The following RBFOX2 variants were observed in gnomAD, a reference collection of about 807,000 sequenced individuals.
RBFOX2 encodes the protein RNA binding protein fox-1 homolog 2.
A neutral mutation model predicts 49.1 loss-of-function variants in RBFOX2; 10 were observed. The ratio of observed to expected loss-of-function variants is 0.20; its 90% CI spans 0.13 to 0.35. RBFOX2 has a LOEUF of 0.35. Among genes scored for constraint, RBFOX2 ranks in the 10% least tolerant of loss-of-function variants. RBFOX2 has a pLI of 1.00. For missense variants in RBFOX2, 323 were observed against 486.9 expected (o/e 0.66, Z 3.17); for synonymous variants, 183 against 187.4 (o/e 0.98, Z 0.19).
At chr22:35,875,750 C>T (rs757127208) in intron 1 of RBFOX2, among the ~76,000 whole-genome samples, 4 of 151,826 alleles carry the variant, frequency 2.6e-5, no homozygotes, top group Non-Finnish European at 5.9e-5. Flanking sequence ...CTTTTCCAAC[C>T]TGCCTATTCT....
intron 3 of RBFOX2, among the ~76,000 whole-genome samples, chr22:35,779,191 A>G (rs1311286818): frequency 6.6e-6 from 1 of 152,238 alleles, no homozygotes; most frequent in Non-Finnish European, 1.5e-5. Flanking sequence ...GGGGGAAAGT[A>G]TATATAAAAA....
At chr22:35,825,804 A>C (rs1955547435) in intron 1 of RBFOX2, among the ~76,000 whole-genome samples, 1 of 151,826 alleles carries the variant, frequency 6.6e-6, no homozygotes, top group Non-Finnish European at 1.5e-5. Context: ...AACATGGTGA[A>C]ACCTCGCCTC....
intron 4 of RBFOX2, among the ~76,000 whole-genome samples, chr22:35,773,446 T>A (rs1354968396): frequency 6.6e-6 from 1 of 152,046 alleles, no homozygotes; most frequent in East Asian, 1.9e-4. Flanking sequence ...GTTCCTAGCA[T>A]AAAGAAAAGA....
chr22:35,876,145 G>A (rs55671438), intron 1 of RBFOX2, among the ~76,000 whole-genome samples: 24,437 of 152,124 alleles, frequency 0.16, 2,422 homozygotes, highest in Admixed American at 0.26. Context: ...TGAATGAACG[G>A]GCTAAATATG....
At chr22:35,939,010 T>C, upstream of RBFOX2, 2 of 1,025,658 alleles carry the variant, frequency 1.9e-6, no homozygotes. Flanking sequence ...CCTAAAATGT[T>C]CCATTAACTG....
At chr22:35,755,999 T>C (rs1324076407) in intron 9 of RBFOX2, 106 bp downstream of exon 11, 1 of 652,296 alleles carries the variant, frequency 1.5e-6, no homozygotes, top group Non-Finnish European at 2.2e-6. Flanking sequence ...AAAATAAAAA[T>C]TAAATAAATT....
intron 1 of RBFOX2, among the ~76,000 whole-genome samples, chr22:35,958,901 C>G (rs762438435): frequency 3.3e-5 from 5 of 152,058 alleles, no homozygotes; most frequent in Admixed American, 6.6e-5. Flanking sequence ...TCTTCTAGCC[C>G]TCTTAGATAA....
intron 1 of RBFOX2, among the ~76,000 whole-genome samples, chr22:35,850,138 T>C (rs2041739431): frequency 6.6e-6 from 1 of 151,478 alleles, no homozygotes; most frequent in East Asian, 1.9e-4. Context: ...TATTCTTTCT[T>C]GGGCGGGGAG....
At chr22:35,957,243 C>T (rs1336981434) in intron 1 of RBFOX2, among the ~76,000 whole-genome samples, 1 of 152,160 alleles carries the variant, frequency 6.6e-6, no homozygotes, top group Admixed American at 6.5e-5. Flanking sequence ...TGAGGTAATA[C>T]ATGCAATATC....
chr22:35,778,057 C>T (rs367641898), exon 4 of RBFOX2: 1 of 1,613,272 alleles, frequency 6.2e-7, no homozygotes. Flanking sequence ...ATTATTTCTA[C>T]ATCTAGGATT....
rs372545836 is a variant in RBFOX2 at position 35,819,351 on chromosome 22, T to C, written c.28-9347A>G. Among the ~76,000 whole-genome samples, 7 of 152,280 alleles carry C rather than the reference T, an allele frequency of 4.6e-5. No homozygotes were observed. The East Asian group carries it at 1.4e-3, about 29-fold the overall frequency. On this transcript the variant is annotated intron_variant, in intron 1 of 11. Coordinates refer to ENST00000405409, the Ensembl canonical transcript of RBFOX2. ...ATGTGGGAGTCCACATTATGTACTA[T>C]GGGAAATTAAAAGAAAAATGAGCCA... is the stretch of plus-strand genomic sequence containing the variant.
chr22:36,018,923 C>T (rs1031973267), intron 1 of RBFOX2, among the ~76,000 whole-genome samples: 2 of 152,164 alleles, frequency 1.3e-5, no homozygotes, highest in Admixed American at 1.3e-4. Flanking sequence ...CAGATTGGCT[C>T]TTTTAGATAG....
intron 1 of RBFOX2, among the ~76,000 whole-genome samples, chr22:35,971,726 A>G (rs1320874707): frequency 6.6e-6 from 1 of 152,008 alleles, no homozygotes; most frequent in African/African-American, 2.4e-5. Context: ...GTTGCTCTTG[A>G]GCTCCAGCAG....
At chr22:35,798,216 C>G in intron 2 of RBFOX2, among the ~76,000 whole-genome samples, 1 of 152,120 alleles carries the variant, frequency 6.6e-6, no homozygotes. Context: ...CTCAGGTGAT[C>G]CACCTGCCTC....
intron 1 of RBFOX2, among the ~76,000 whole-genome samples, chr22:36,021,572 A>C (rs1388119390): frequency 6.6e-6 from 1 of 152,152 alleles, no homozygotes; most frequent in East Asian, 1.9e-4. Context: ...AGACTCAAAT[A>C]ATCAAAGCAA....
In RBFOX2 at chr22:35,890,598, A is replaced by T. The variant is rs536897189; in HGVS notation, c.-34+48249T>A. ...TGATAAACTGGAAACCACTGAACAA[A>T]TACAAGACGAGGCTAATTGTGGTAT... On this transcript the variant is annotated intron_variant, in intron 1 of 13. Coordinates refer to the RBFOX2 transcript ENST00000359369. 7.9e-5 allele frequency among the ~76,000 whole-genome samples: 12 copies of T among 152,298 alleles called. No individual in the cohort carries two copies. The South Asian group carries it at 2.3e-3, about 29-fold the overall frequency.
intron 9 of RBFOX2, chr22:35,748,347 T>G (rs1295203174): frequency 6.6e-6 from 1 of 152,220 alleles, no homozygotes; most frequent in Non-Finnish European, 1.5e-5. Flanking sequence ...TGGTAATGAA[T>G]GGGAACATGG....
intron 1 of RBFOX2, chr22:35,993,916 G>A (rs1420694085): frequency 6.6e-6 from 1 of 152,154 alleles, no homozygotes; most frequent in Non-Finnish European, 1.5e-5. Context: ...GAACCCAGGA[G>A]GCAAAGGTTG....
chr22:35,823,762 T>C (rs1193209151), intron 1 of RBFOX2, among the ~76,000 whole-genome samples: 2 of 152,178 alleles, frequency 1.3e-5, no homozygotes, highest in Non-Finnish European at 2.9e-5. Flanking sequence ...TAAGAAGTGT[T>C]TACTACAATT....
Sources: allele counts gnomAD v4.1 joint callset (sites outside exome capture counted in the v4.1 genomes callset), GRCh38; gene constraint gnomAD v4.1.1; transcripts MANE v1.5; gene names NCBI Gene and HGNC (gene_info 2026-07-23, HGNC 2026-07-21).